Variants in PTPRG observed in about 807,000 individuals in gnomAD.
The protein encoded by PTPRG is receptor-type tyrosine-protein phosphatase gamma.
In PTPRG, 102 loss-of-function variants were observed where a neutral mutation model predicts 165.3. That is an observed-to-expected ratio of 0.62 (90% CI 0.53 to 0.73). The LOEUF (loss-of-function observed/expected upper bound fraction) is 0.73, where lower values mean the gene tolerates loss of function less well. PTPRG is among the 30% of genes least tolerant of loss of function. PTPRG has a pLI of 0.00. For missense variants in PTPRG, 1,866 were observed against 1,861.4 expected (o/e 1.00, Z -0.05); for synonymous variants, 675 against 669.5 (o/e 1.01, Z -0.13).
intron 8 of PTPRG, among the ~76,000 whole-genome samples, chr3:62,179,362 G>A (rs1466430207): frequency 2.0e-5 from 3 of 152,160 alleles, no homozygotes; most frequent in South Asian, 4.1e-4. Context: ...GGCTGGGACC[G>A]AAATAAGTAT....
At position 61,966,491 on chromosome 3, in the gene PTPRG, G is replaced by A. The variant is rs150771868; in HGVS notation, c.191-23134G>A. 3.7e-4 allele frequency among the ~76,000 whole-genome samples: 56 copies of A among 152,288 alleles called. 1 individual carries two copies. Among genetic ancestry groups the A allele is most frequent in the African/African-American group, 1.2e-3 (51 of 41,556 alleles). On this transcript the variant is annotated intron_variant, in intron 2 of 29. Transcript: ENST00000474889. ...ATACCATTGTTTTACAATGGGGTGT[G>A]CTGATGTGAGGTTGCCTTCTGGTGG...
At chr3:61,800,085 C>T (rs977736566) in intron 2 of PTPRG, among the ~76,000 whole-genome samples, 3 of 152,128 alleles carry the variant, frequency 2.0e-5, no homozygotes, top group Non-Finnish European at 2.9e-5. Context: ...AAAATAAAGA[C>T]TCTGTGGTAC....
rs940473028 is a variant in PTPRG, at chr3:62,019,447, CAG to C, written c.519+15951_519+15952del. Among the ~76,000 whole-genome samples the C allele has an allele frequency of 4.0e-5, 6 of 149,012 alleles. No homozygotes were observed. The South Asian group carries it at 6.4e-4, about 16-fold the overall frequency. On this transcript the variant is annotated intron_variant, in intron 4 of 29. Transcript: ENST00000474889. ...CTGAGAAGGGAGGATTGCTTGAACT[CAG>C]GGGGTGGAGGTTGCAGTGAGCTGAG...
At chr3:62,094,012 T>C (rs1283112998) in intron 5 of PTPRG, among the ~76,000 whole-genome samples, 1 of 152,208 alleles carries the variant, frequency 6.6e-6, no homozygotes, top group African/African-American at 2.4e-5. Context: ...GAAGAAAACT[T>C]TGTTTCTGTG....
intron 1 of PTPRG, among the ~76,000 whole-genome samples, chr3:61,715,416 G>A (rs1295853906): frequency 6.6e-6 from 1 of 151,888 alleles, no homozygotes; most frequent in East Asian, 1.9e-4. Flanking sequence ...ACCAGGTTTC[G>A]CCATGTTGCC....
At chr3:61,867,820 C>T (rs1346069203) in intron 2 of PTPRG, among the ~76,000 whole-genome samples, 1 of 152,142 alleles carries the variant, frequency 6.6e-6, no homozygotes. Flanking sequence ...GCAGAGACAA[C>T]CTTAACCTTT....
intron 1 of PTPRG, among the ~76,000 whole-genome samples, chr3:61,707,149 A>G (rs2031305696): frequency 6.6e-6 from 1 of 152,200 alleles, no homozygotes; most frequent in Non-Finnish European, 1.5e-5. Flanking sequence ...GTAGCTGTTC[A>G]TGGTTGTGTT....
At chr3:62,101,632 CTT>C (rs1310704346) in intron 5 of PTPRG, among the ~76,000 whole-genome samples, 1 of 152,214 alleles carries the variant, frequency 6.6e-6, no homozygotes, top group East Asian at 1.9e-4. Flanking sequence ...ACTAGGAGCA[CTT>C]TTCTTTCATC....
chr3:61,980,088 A>G (rs1443836354), intron 2 of PTPRG, among the ~76,000 whole-genome samples: 1 of 152,156 alleles, frequency 6.6e-6, no homozygotes, highest in Non-Finnish European at 1.5e-5. Flanking sequence ...TTTAAATATT[A>G]AACAAAACCT....
Position 61,748,879 on chromosome 3 carries a change from G to C in PTPRG, c.87G>C (p.Ala29=). The change falls in exon 2 of 30, where the codon GCG becomes GCC. Residue 29 remains alanine (A), a splice_region_variant and synonymous_variant. Coordinates refer to ENST00000474889, the MANE Select transcript of PTPRG (RefSeq NM_002841.4). ...SVLHYVVCFP[A]LTEGYVGALH... ...ATTGTGGGTTTTCCTCTCTTCCAGC[G>C]TTGACAGAAGGCTACGTTGGGGCCC... The C allele has an allele frequency of 6.2e-7, 1 of 1,612,998 alleles. No homozygotes were observed. Among genetic ancestry groups the C allele is most frequent in the Non-Finnish European group, 8.5e-7 (1 of 1,179,868 alleles).
At chr3:62,199,414 A>T (rs1224155192) in intron 10 of PTPRG, among the ~76,000 whole-genome samples, 1 of 152,014 alleles carries the variant, frequency 6.6e-6, no homozygotes, top group Non-Finnish European at 1.5e-5. Context: ...GAAATTGGAG[A>T]CCATGTGGCC....
Position 61,939,481 on chromosome 3 carries a change from G to A in PTPRG, c.191-50144G>A, listed in dbSNP as rs541875675. ...AATCTGTCATCCTAGGAAAATGCCA[G>A]GCAAATACACAGAAACTGCTGAAGA... On this transcript the variant is annotated intron_variant, in intron 2 of 29. Coordinates refer to ENST00000474889, the MANE Select transcript of PTPRG (RefSeq NM_002841.4). 1.3e-4 allele frequency among the ~76,000 whole-genome samples: 20 copies of A among 152,302 alleles called. No individual in the cohort carries two copies. The South Asian group carries it at 3.9e-3, about 30-fold the overall frequency.
intron 2 of PTPRG, among the ~76,000 whole-genome samples, chr3:61,774,421 A>G (rs969821581): frequency 4.6e-5 from 7 of 152,218 alleles, no homozygotes; most frequent in African/African-American, 1.7e-4. Flanking sequence ...GCTGTCTTAT[A>G]TATACGAAAT....
In PTPRG at chr3:61,900,808, T is replaced by A. The variant is rs181162260; in HGVS notation, c.191-88817T>A. On this transcript the variant is annotated intron_variant, in intron 2 of 29. Transcript: ENST00000474889. ...TGTGTACTGTAGTTAAAAAAAAAAA[T>A]CGTAGGTGGCAGTACAGAATAGTTG... is the stretch of plus-strand genomic sequence containing the variant. Among the ~76,000 whole-genome samples, 6 of 151,798 alleles carry A rather than the reference T, an allele frequency of 4.0e-5. 1 individual carries two copies. Among genetic ancestry groups the A allele is most frequent in the Admixed American group, 3.9e-4 (6 of 15,234 alleles).
intron 12 of PTPRG, among the ~76,000 whole-genome samples, chr3:62,218,607 A>G (rs1323754704): frequency 1.3e-5 from 2 of 152,066 alleles, no homozygotes; most frequent in Non-Finnish European, 2.9e-5. Context: ...AACACCTTCA[A>G]CTGTATCTGT....
chr3:61,718,013 C>T (rs1490274078), intron 1 of PTPRG, among the ~76,000 whole-genome samples: 1 of 151,368 alleles, frequency 6.6e-6, no homozygotes. Flanking sequence ...AACCCTGTCT[C>T]TACTAAAAAT....
chr3:61,901,150 T>G (rs2038489459), intron 2 of PTPRG, among the ~76,000 whole-genome samples: 1 of 152,240 alleles, frequency 6.6e-6, no homozygotes, highest in East Asian at 1.9e-4. Context: ...ATTTAAATAT[T>G]TTTAAGCTCG....
At chr3:61,698,344 C>T (rs1212871393) in intron 1 of PTPRG, among the ~76,000 whole-genome samples, 1 of 152,098 alleles carries the variant, frequency 6.6e-6, no homozygotes, top group Non-Finnish European at 1.5e-5. Flanking sequence ...CTTTGCAGGT[C>T]ATACCTTGTC....
At chr3:61,778,528 T>C (rs888852451) in intron 2 of PTPRG, among the ~76,000 whole-genome samples, 3 of 151,994 alleles carry the variant, frequency 2.0e-5, no homozygotes, top group African/African-American at 4.8e-5. Context: ...GCCCGGAACG[T>C]TGGGGTTTTT....
Sources: allele counts gnomAD v4.1 joint callset (sites outside exome capture counted in the v4.1 genomes callset), GRCh38; gene constraint gnomAD v4.1.1; transcripts MANE v1.5; gene names NCBI Gene and HGNC (gene_info 2026-07-23, HGNC 2026-07-21).